The following PTPRD variants were observed in gnomAD, a reference collection of about 807,000 sequenced individuals.
PTPRD encodes receptor-type tyrosine-protein phosphatase delta.
In PTPRD, 34 loss-of-function variants were observed where a neutral mutation model predicts 214.5. The observed-to-expected ratio is 0.16, with a 90% CI of 0.12 to 0.21. The LOEUF (loss-of-function observed/expected upper bound fraction) is 0.21. PTPRD is among the 10% of genes least tolerant of loss of function. The pLI is 1.00. For synonymous variants in PTPRD, 1,128 were observed against 845.7 expected, an observed-to-expected ratio of 1.33 and a Z score of -5.79; for missense variants, 2,545 against 2,398.7, an observed-to-expected ratio of 1.06 and a Z score of -1.27.
At chr9:9,174,457 A>T (rs2099923377) in intron 10 of PTPRD, among the ~76,000 whole-genome samples, 1 of 152,306 alleles carries the variant, frequency 6.6e-6, no homozygotes, top group South Asian at 2.1e-4. Context: ...TGGCTCAAAT[A>T]TAACCTTATA....
At chr9:9,006,545 T>A (rs1567545964) in intron 11 of PTPRD, among the ~76,000 whole-genome samples, 2 of 152,008 alleles carry the variant, frequency 1.3e-5, no homozygotes, top group African/African-American at 4.8e-5. Flanking sequence ...AACTCTAAAT[T>A]TGCAATTCCC....
At chr9:9,886,688 AG>A (rs2071059657) in intron 5 of PTPRD, among the ~76,000 whole-genome samples, 1 of 152,192 alleles carries the variant, frequency 6.6e-6, no homozygotes, top group Non-Finnish European at 1.5e-5. Flanking sequence ...AGAATGAAGA[AG>A]AAGTAACACT....
chr9:8,663,795 A>C (rs2154356877), intron 12 of PTPRD, among the ~76,000 whole-genome samples: 1 of 152,056 alleles, frequency 6.6e-6, no homozygotes, highest in East Asian at 1.9e-4. Flanking sequence ...CCAGCCTTTA[A>C]TAGTATATTT....
intron 10 of PTPRD, among the ~76,000 whole-genome samples, chr9:9,174,865 G>T (rs7868816): frequency 0.93 from 141,001 of 151,766 alleles, 65,506 homozygotes; most frequent in South Asian, 0.97. Flanking sequence ...AATGTTGCTA[G>T]CTCACCCAAA....
At chr9:8,612,458 T>C (rs576117071) in intron 14 of PTPRD, among the ~76,000 whole-genome samples, 1 of 152,294 alleles carries the variant, frequency 6.6e-6, no homozygotes, top group South Asian at 2.1e-4. Flanking sequence ...GATAGATCAT[T>C]TGAGAGGCTG....
intron 2 of PTPRD, among the ~76,000 whole-genome samples, chr9:10,459,021 G>T (rs950202312): frequency 1.9e-4 from 29 of 152,040 alleles, no homozygotes; most frequent in African/African-American, 7.0e-4. Flanking sequence ...TCTACATTAG[G>T]TATTTCTCCT....
At chr9:10,199,534 C>A (rs1282730277) in intron 3 of PTPRD, among the ~76,000 whole-genome samples, 1 of 151,992 alleles carries the variant, frequency 6.6e-6, no homozygotes, top group Admixed American at 6.6e-5. Context: ...CAGTGAGAAC[C>A]CCCTGTGTTT....
At chr9:9,549,414 C>G (rs2079634100) in intron 8 of PTPRD, among the ~76,000 whole-genome samples, 1 of 151,948 alleles carries the variant, frequency 6.6e-6, no homozygotes, top group East Asian at 1.9e-4. Flanking sequence ...CCAATAAACT[C>G]ATAGAAAAGT....
chr9:10,278,976 G>T (rs1296581450), intron 3 of PTPRD, among the ~76,000 whole-genome samples: 1 of 151,932 alleles, frequency 6.6e-6, no homozygotes, highest in East Asian at 1.9e-4. Flanking sequence ...GGGCTTCACC[G>T]TGTTAGCCAG....
At chr9:9,914,272 G>A (rs997039149) in intron 5 of PTPRD, among the ~76,000 whole-genome samples, 8 of 152,148 alleles carry the variant, frequency 5.3e-5, no homozygotes, top group African/African-American at 1.9e-4. Context: ...CATGTCTCTG[G>A]CTTGCTTAAC....
intron 5 of PTPRD, among the ~76,000 whole-genome samples, chr9:9,902,287 T>A (rs550446353): frequency 2.6e-4 from 40 of 152,330 alleles, no homozygotes; most frequent in African/African-American, 9.6e-4. Flanking sequence ...AATTTATGTA[T>A]CTTTGTGAAT....
At position 10,293,285 on chromosome 9, in the gene PTPRD, T is replaced by C. The variant is rs577987394; in HGVS notation, c.-545+47678A>G. Among the ~76,000 whole-genome samples the C allele has an allele frequency of 2.1e-3, 325 of 152,088 alleles. 2 individuals are homozygous for C. The highest frequency in any genetic ancestry group is 7.6e-3 in the African/African-American group (315 of 41,554). Reference sequence around the variant, plus strand: ...AAAAATTGGAAAAATCTGTACTTCATTATCTTGTAAATAATGATTCTTTTT... The same window carrying C: ...AAAAATTGGAAAAATCTGTACTTCACTATCTTGTAAATAATGATTCTTTTT... On this transcript the variant is annotated intron_variant, in intron 3 of 45. Transcript: ENST00000381196.
At chr9:10,272,038 G>C (rs1362925833) in intron 3 of PTPRD, among the ~76,000 whole-genome samples, 4 of 152,006 alleles carry the variant, frequency 2.6e-5, no homozygotes, top group Admixed American at 2.0e-4. Flanking sequence ...TGAAATTATA[G>C]AACATTTTCA....
chr9:8,357,806 T>A (rs2077354667), intron 39 of PTPRD, among the ~76,000 whole-genome samples: 2 of 152,162 alleles, frequency 1.3e-5, no homozygotes, highest in Admixed American at 6.5e-5. Flanking sequence ...CCATTAATAC[T>A]AGGCATAATG....
intron 11 of PTPRD, among the ~76,000 whole-genome samples, chr9:8,966,342 TC>T (rs1387403102): frequency 1.3e-5 from 2 of 151,836 alleles, no homozygotes; most frequent in Non-Finnish European, 2.9e-5. Context: ...TTACCTGACT[TC>T]AAACTATACT....
rs533381144 is a variant in PTPRD at position 8,423,228 on chromosome 9, A to G, written c.4086+13364T>C. ...TTATGTTTGAGCTTCTGCCTCGTCAATCCGGCTCAATAAGTTATATGCCAC... is the reference window on the plus strand; with the variant it reads ...TTATGTTTGAGCTTCTGCCTCGTCAGTCCGGCTCAATAAGTTATATGCCAC... On this transcript the variant is annotated intron_variant, in intron 35 of 45. Transcript: ENST00000381196. 2.2e-4 allele frequency among the ~76,000 whole-genome samples: 34 copies of G among 152,326 alleles called. 1 individual carries two copies. In the South Asian group the frequency reaches 6.2e-3, roughly 28 times the overall value.
intron 2 of PTPRD, among the ~76,000 whole-genome samples, chr9:10,480,382 A>G (rs2099089969): frequency 2.0e-5 from 3 of 152,218 alleles, no homozygotes; most frequent in Admixed American, 2.0e-4. Context: ...GGAATGAAGC[A>G]AGCTAGTATT....
chr9:8,983,265 G>A (rs1291965414), intron 11 of PTPRD, among the ~76,000 whole-genome samples: 1 of 151,848 alleles, frequency 6.6e-6, no homozygotes, highest in Non-Finnish European at 1.5e-5. Flanking sequence ...ATTCTAGCTT[G>A]AAGAGATACA....
intron 7 of PTPRD, among the ~76,000 whole-genome samples, chr9:9,660,232 T>C (rs1391682810): frequency 1.3e-5 from 2 of 151,910 alleles, no homozygotes; most frequent in Non-Finnish European, 2.9e-5. Context: ...TTATTTTAGG[T>C]GACATCGGAA....
Sources: gnomAD v4.1 joint callset for allele counts (sites outside exome capture counted in the v4.1 genomes callset) on GRCh38, gnomAD v4.1.1 for gene constraint, MANE v1.5 for transcripts, NCBI Gene and HGNC (gene_info 2026-07-23, HGNC 2026-07-21) for gene names.